GAPVD1: variants seen among roughly 807,000 people sequenced by gnomAD.
GAPVD1 encodes the protein GTPase activating protein and VPS9 domains 1.
A neutral mutation model predicts 155.5 loss-of-function variants in GAPVD1; 35 were observed. The ratio of observed to expected loss-of-function variants is 0.23; its 90% CI spans 0.17 to 0.30. GAPVD1 has a LOEUF of 0.30. Ranked by LOEUF, GAPVD1 falls within the 10% of genes least tolerant of loss-of-function variation. The pLI, the probability that GAPVD1 is intolerant of heterozygous loss-of-function variation, is 1.00. For missense variants in GAPVD1, 1,429 were observed against 1,775.7 expected (o/e 0.80, Z 3.51); for synonymous variants, 636 against 619.7 (o/e 1.03, Z -0.39).
intron 19 of GAPVD1, chr9:125,346,330 C>G: frequency 5.0e-6 from 1 of 198,626 alleles, no homozygotes. Context: ...TGTTAGTTTT[C>G]AAATGCGTGG....
In GAPVD1 at chr9:125,312,469, C is replaced by T. The variant is rs1043874936; in HGVS notation, c.1459C>T (p.Arg487Cys). The T allele has an allele frequency of 3.8e-6, 6 of 1,585,016 alleles. No homozygotes were observed. Among genetic ancestry groups the T allele is most frequent in the South Asian group, 1.2e-5 (1 of 83,948 alleles). The change falls in exon 9 of 28, where the codon CGC becomes TGC. Residue 487 changes from arginine (R) to cysteine (C), a missense_variant. Around this residue, in one of 4 missense-constraint regions of GAPVD1, gnomAD observed 628 missense variants for 733.4 expected, o/e 0.86. Transcript: ENST00000297933. ...TTTATTAGCAACTCGGAGCAGAAGC[C>T]GCACCAATATGCTAATGGACCTACA... is the stretch of plus-strand genomic sequence containing the variant. ...RLPIATRSRS[R>C]TNMLMDLHMD...
chr9:125,272,482 T>G (rs886900443), intron 2 of GAPVD1, among the ~76,000 whole-genome samples: 1 of 152,204 alleles, frequency 6.6e-6, no homozygotes, highest in African/African-American at 2.4e-5. Context: ...TAACTTCTTA[T>G]TAAGGCCTCT....
chr9:125,267,929 GA>G (rs1834237214), intron 1 of GAPVD1, among the ~76,000 whole-genome samples: 1 of 151,948 alleles, frequency 6.6e-6, no homozygotes, highest in South Asian at 2.1e-4. Flanking sequence ...TTGGGAGACC[GA>G]GGCGGGTGGA....
At chr9:125,349,162 TAAG>T (rs1008939423) in intron 20 of GAPVD1, among the ~76,000 whole-genome samples, 5 of 152,258 alleles carry the variant, frequency 3.3e-5, no homozygotes, top group Non-Finnish European at 7.3e-5. Context: ...AGTATTGGGA[TAAG>T]AAGTAAAACC....
In GAPVD1 at chr9:125,323,624, C is replaced by A. The variant is rs570886291; in HGVS notation, c.1733-174C>A. ...CCAGCAGATTAATTTGTTATTAGCA[C>A]CTTAGGATAAATTCCTAGAAGCAGA... On this transcript the variant is annotated intron_variant, in intron 10 of 27. Transcript: ENST00000297933. 2.0e-5 allele frequency among the ~76,000 whole-genome samples: 3 copies of A among 152,198 alleles called. No homozygotes were observed. In the South Asian group the frequency reaches 6.2e-4, roughly 32 times the overall value.
chr9:125,290,227 A>G (rs1041015336), intron 2 of GAPVD1, among the ~76,000 whole-genome samples: 2 of 152,094 alleles, frequency 1.3e-5, no homozygotes, highest in African/African-American at 2.4e-5. Context: ...CTGAGAGGGG[A>G]AAGTGAAGTA....
chr9:125,335,811 A>G (rs1846840296), intron 15 of GAPVD1, among the ~76,000 whole-genome samples: 1 of 152,200 alleles, frequency 6.6e-6, no homozygotes, highest in Non-Finnish European at 1.5e-5. Flanking sequence ...ATCAATAGAT[A>G]TAACCACCAT....
At chr9:125,268,494 TG>T (rs1344660361) in intron 1 of GAPVD1, among the ~76,000 whole-genome samples, 4 of 149,974 alleles carry the variant, frequency 2.7e-5, no homozygotes, top group South Asian at 4.2e-4. Context: ...CCCCTAACAT[TG>T]TTTTTTTTTT....
chr9:125,315,954 T>TC (rs1163683287), intron 9 of GAPVD1, among the ~76,000 whole-genome samples: 1 of 152,130 alleles, frequency 6.6e-6, no homozygotes, highest in Non-Finnish European at 1.5e-5. Flanking sequence ...GTGTTGAAGT[T>TC]CCCCAAAACA....
Position 125,323,886 on chromosome 9 carries a change from T to C in GAPVD1, c.1821T>C (p.Asn607=), listed in dbSNP as rs1337417914. ...SELGAGPSGS[N]GVEALQLLEH... ...TTGGAGCAGGACCTTCTGGCAGTAA[T>C]GGAGTTGAAGCTCTACAGCTGTTAG... Residue 607 remains asparagine (N), a synonymous_variant, in exon 11 of 28, where the codon AAT becomes AAC. Coordinates refer to ENST00000297933, the MANE Select transcript of GAPVD1 (RefSeq NM_001282680.3). 5 of 1,613,734 alleles carry C rather than the reference T, an allele frequency of 3.1e-6. No individual in the cohort carries two copies. The East Asian group carries it at 6.7e-5, about 22-fold the overall frequency.
intron 1 of GAPVD1, among the ~76,000 whole-genome samples, chr9:125,267,598 G>C (rs956001346): frequency 6.6e-6 from 1 of 151,938 alleles, no homozygotes; most frequent in Non-Finnish European, 1.5e-5. Context: ...TAGTAGAGAC[G>C]GGGTTTCACC....
chr9:125,297,714 A>G (rs563489692), intron 3 of GAPVD1, among the ~76,000 whole-genome samples: 41 of 152,286 alleles, frequency 2.7e-4, no homozygotes, highest in African/African-American at 9.6e-4. Context: ...GATGGTTTCC[A>G]GTAGGGGAAT....
chr9:125,295,274 A>G (rs1357894311), intron 2 of GAPVD1, among the ~76,000 whole-genome samples, 184 bp from the exon 3 acceptor site: 1 of 152,020 alleles, frequency 6.6e-6, no homozygotes, highest in Admixed American at 6.6e-5. Context: ...TGTTGTCTTC[A>G]GTATTGTAAA....
chr9:125,326,876 G>A (rs970806589), intron 12 of GAPVD1, among the ~76,000 whole-genome samples: 2 of 151,598 alleles, frequency 1.3e-5, no homozygotes, highest in Non-Finnish European at 2.9e-5. Context: ...TTAGCTTCTG[G>A]TCAAGTGTTG....
chr9:125,297,488 A>G (rs1014700392), intron 3 of GAPVD1, among the ~76,000 whole-genome samples: 2 of 152,212 alleles, frequency 1.3e-5, no homozygotes, highest in Non-Finnish European at 2.9e-5. Flanking sequence ...TCTGAATGGA[A>G]TGAAGATACT....
Position 125,349,402 on chromosome 9 carries a change from A to T in GAPVD1, c.3182A>T (p.Asp1061Val), listed in dbSNP as rs746984124. The T allele has an allele frequency of 1.2e-6, 2 of 1,613,916 alleles. No individual in the cohort carries two copies. The highest frequency in any genetic ancestry group is 1.7e-5 in the Admixed American group (1 of 60,008). ...GGGTTTTGTTTAGAGGTTATGGGTG[A>T]TGGTGAAAGTGCACATGATTCTCCC... ...ANYESTEVMG[D>V]GESAHDSPRD... Residue 1061 changes from aspartate (D) to valine (V), a missense_variant, in exon 21 of 28, where the codon GAT (aspartate) becomes GTT (valine). This residue lies in a region of GAPVD1 where 699 missense variants were observed against 826.0 expected (regional missense o/e 0.85). Coordinates refer to ENST00000297933, the MANE Select transcript of GAPVD1 (RefSeq NM_001282680.3).
intron 2 of GAPVD1, among the ~76,000 whole-genome samples, chr9:125,293,850 TTTTATATATA>T (rs1475718220): frequency 2.8e-4 from 12 of 42,862 alleles, no homozygotes; most frequent in South Asian, 1.7e-3. Context: ...TAAAAATATA[TTTTATATATA>T]TATATATATA....
chr9:125,360,476 G>C (rs562302931), intron 26 of GAPVD1, 52 bp from the exon 27 acceptor site: 6 of 1,448,152 alleles, frequency 4.1e-6, no homozygotes, highest in Non-Finnish European at 5.8e-6. Flanking sequence ...TAGTCACTGC[G>C]CAGGGTTGCC....
intron 2 of GAPVD1, among the ~76,000 whole-genome samples, chr9:125,281,548 T>C (rs1027708124): frequency 6.6e-6 from 1 of 152,218 alleles, no homozygotes; most frequent in Non-Finnish European, 1.5e-5. Context: ...TAACATCTTA[T>C]ATTAGCATAG....
Sources: gnomAD v4.1 joint callset for allele counts (sites outside exome capture counted in the v4.1 genomes callset) on GRCh38, gnomAD v4.1.1 for gene constraint, gnomAD v4.1.1 regional missense constraint, MANE v1.5 for transcripts, NCBI Gene and HGNC (gene_info 2026-07-23, HGNC 2026-07-21) for gene names.